HM13: variants seen among roughly 807,000 people sequenced by gnomAD.
HM13 encodes signal peptide peptidase.
Under a neutral mutation model 50.0 loss-of-function variants are expected in HM13, and 18 were observed. The observed-to-expected ratio is 0.36, with a 90% CI of 0.25 to 0.53. The LOEUF is 0.53. HM13 is among the 20% of genes least tolerant of loss of function. HM13 has a pLI of 0.90. For missense variants in HM13, 393 were observed against 552.4 expected (o/e 0.71, Z 2.89); for synonymous variants, 197 against 232.6 (o/e 0.85, Z 1.39).
chr20:31,549,073 G>A lies in HM13; in HGVS notation c.499G>A (p.Gly167Ser), dbSNP rs1459182726. The A allele has an allele frequency of 6.2e-7, 1 of 1,614,084 alleles. No individual in the cohort carries two copies. Among genetic ancestry groups the A allele is most frequent in the Non-Finnish European group, 8.5e-7 (1 of 1,180,010 alleles). ...EFDTKDLVCLGLSSIVGVWYL... is the reference protein window; with the variant it reads ...EFDTKDLVCLSLSSIVGVWYL... ...TGACACCAAGGACCTGGTGTGCCTG[G>A]GCCTGAGCAGCATCGTTGGCGTCTG... The change falls in exon 5 of 13, where the codon GGC becomes AGC. Residue 167 changes from glycine (G) to serine (S), a missense_variant. Gly to Ser is a moderately conservative substitution (Grantham distance 56, BLOSUM62 0). This residue lies in a region of HM13 where 214 missense variants were observed against 276.1 expected (regional missense o/e 0.77). Coordinates refer to ENST00000398174, the MANE Select transcript of HM13 (RefSeq NM_178581.3).
intron 3 of HM13, among the ~76,000 whole-genome samples, chr20:31,543,568 TGA>T: frequency 6.6e-6 from 1 of 151,966 alleles, no homozygotes; most frequent in South Asian, 2.1e-4. Flanking sequence ...ATTACAGGCG[TGA>T]GCCACTGCAC....
At position 31,550,133 on chromosome 20, in the gene HM13, C is replaced by A; in HGVS notation, c.724+12C>A. The A allele has an allele frequency of 1.2e-6, 2 of 1,611,806 alleles. No homozygotes were observed. The highest frequency in any genetic ancestry group is 1.7e-6 in the Non-Finnish European group (2 of 1,177,920). On this transcript the variant is annotated intron_variant, in intron 7 of 12. Coordinates refer to ENST00000398174, the MANE Select transcript of HM13 (RefSeq NM_178581.3). The stretch of plus-strand genomic sequence containing the variant: ...GGCACCAATAAAATGTAAGTGACCA[C>A]CCTGCCACAGGGAACCCCTTCCCCC...
intron 10 of HM13, among the ~76,000 whole-genome samples, chr20:31,561,992 C>G (rs1251312385): frequency 2.6e-5 from 4 of 152,210 alleles, no homozygotes; most frequent in Non-Finnish European, 2.9e-5. Context: ...ATCAGGAAGG[C>G]AGGAACTTTC....
At chr20:31,523,706 G>T (rs1982317989) in intron 1 of HM13, among the ~76,000 whole-genome samples, 1 of 152,218 alleles carries the variant, frequency 6.6e-6, no homozygotes. Context: ...GAAATGTATT[G>T]AATGTGTGGA....
At chr20:31,565,467 C>A in intron 10 of HM13, among the ~76,000 whole-genome samples, 1 of 137,156 alleles carries the variant, frequency 7.3e-6, no homozygotes, top group Non-Finnish European at 1.5e-5. Context: ...CAACAAGAGT[C>A]AGAGACTCTG....
At chr20:31,531,547 T>TCC (rs1982819459) in intron 2 of HM13, among the ~76,000 whole-genome samples, 2 of 152,094 alleles carry the variant, frequency 1.3e-5, no homozygotes, top group African/African-American at 4.8e-5. Context: ...TAGACGTATG[T>TCC]CATTACATCC....
chr20:31,553,190 G>A lies in HM13; in HGVS notation c.725-1556G>A, dbSNP rs1207205937. 3.5e-5 allele frequency among the ~76,000 whole-genome samples: 3 copies of A among 85,650 alleles called. No individual in the cohort carries two copies. In the East Asian group the frequency reaches 5.8e-4, roughly 17 times the overall value. 56.2% of individuals were successfully genotyped at this position (85,650 alleles called of 152,430 possible). ...GCATGCCTGTAATTTCAGCTACTCA[G>A]GGGGCTGAGGCAGGAGAATCACTTG... On this transcript the variant is annotated intron_variant, in intron 7 of 12. Coordinates refer to ENST00000398174, the MANE Select transcript of HM13 (RefSeq NM_178581.3).
intron 1 of HM13, 126 bp from the exon 2 acceptor site, chr20:31,527,358 A>G (rs1982552785): frequency 3.1e-6 from 2 of 651,628 alleles, no homozygotes; most frequent in Admixed American, 2.8e-5. Context: ...AAATGGCAAG[A>G]TCAGAGCATC....
Position 31,569,392 on chromosome 20 carries a change from T to G in HM13, c.*173T>G. 1 of 508,136 alleles carries G rather than the reference T, an allele frequency of 2.0e-6. No individual in the cohort carries two copies. Among genetic ancestry groups the G allele is most frequent in the East Asian group, 3.0e-5 (1 of 33,092 alleles). The allele number at this position is 508,136 out of a possible 1,614,324, so 31.5% of individuals were successfully genotyped here. On this transcript the variant is annotated 3_prime_UTR_variant, in exon 13 of 13. Coordinates refer to ENST00000398174, the MANE Select transcript of HM13 (RefSeq NM_178581.3). ...GGCCTCTGTTTCCTTCTCCCTTTCT[T>G]GGCCCTCCTCTGCTCCTCCCCACAC...
chr20:31,545,071 G>C (rs1430989374), intron 4 of HM13, 36 bp downstream of exon 4: 21 of 1,517,674 alleles, frequency 1.4e-5, no homozygotes, highest in Non-Finnish European at 1.9e-5. Flanking sequence ...AGTGTGCCTT[G>C]GGTGTCTTCC....
chr20:31,530,914 C>A (rs1172719821), intron 2 of HM13, among the ~76,000 whole-genome samples: 1 of 152,218 alleles, frequency 6.6e-6, no homozygotes, highest in East Asian at 1.9e-4. Flanking sequence ...AGTGCCAAAT[C>A]ACCCTCCAAA....
At chr20:31,560,282 A>T (rs1260184380) in intron 9 of HM13, among the ~76,000 whole-genome samples, 6 of 152,220 alleles carry the variant, frequency 3.9e-5, no homozygotes. Context: ...CAACAGCTCC[A>T]TCATTTTATG....
At position 31,554,729 on chromosome 20, in the gene HM13, C is replaced by A. The variant is rs34318308; in HGVS notation, c.725-17C>A. The A allele has an allele frequency of 0.048, 76,745 of 1,610,294 alleles. 2,179 individuals carry two copies. The highest frequency in any genetic ancestry group is 0.066 in the South Asian group (6,014 of 90,904). ...TGGGCTCCAGCTGACTCCTCACATT[C>A]CCGCCTCCCGCTTCAGTGGTGTTTC... is the stretch of plus-strand genomic sequence containing the variant. On this transcript the variant is annotated splice_polypyrimidine_tract_variant and intron_variant, in intron 7 of 12. Coordinates refer to ENST00000398174, the MANE Select transcript of HM13 (RefSeq NM_178581.3).
chr20:31,562,139 G>A (rs1984649449), intron 10 of HM13, among the ~76,000 whole-genome samples: 1 of 152,192 alleles, frequency 6.6e-6, no homozygotes, highest in African/African-American at 2.4e-5. Flanking sequence ...ATTGGAGTGG[G>A]TGTTGGGTAT....
At chr20:31,533,348 C>T (rs1184520805) in intron 2 of HM13, among the ~76,000 whole-genome samples, 1 of 152,180 alleles carries the variant, frequency 6.6e-6, no homozygotes, top group African/African-American at 2.4e-5. Context: ...ACTAAAAATA[C>T]AAAAAAGTTA....
chr20:31,531,312 T>A (rs1982800754), intron 2 of HM13, among the ~76,000 whole-genome samples: 1 of 152,184 alleles, frequency 6.6e-6, no homozygotes, highest in East Asian at 1.9e-4. Context: ...GTGCTGGGAT[T>A]ACAGGTGTGA....
rs1482061318 is a variant in HM13, at chr20:31,534,038, C to G, written c.283-4141C>G. On this transcript the variant is annotated intron_variant, in intron 2 of 12. Coordinates refer to ENST00000398174, the MANE Select transcript of HM13 (RefSeq NM_178581.3). ...GGGACTACAGGCATGCACCACCACGCCCGCCTAATTTTTTTTTATTTTGTA... is the reference window on the plus strand; with the variant it reads ...GGGACTACAGGCATGCACCACCACGGCCGCCTAATTTTTTTTTATTTTGTA... 2.6e-5 allele frequency among the ~76,000 whole-genome samples: 4 copies of G among 151,988 alleles called. No individual in the cohort carries two copies. In the East Asian group the frequency reaches 7.7e-4, roughly 29 times the overall value.
rs1230329741 is a variant in HM13, at chr20:31,514,582, G to T, written c.31G>T (p.Gly11Cys). 1.2e-6 allele frequency: 2 copies of T among 1,605,866 alleles called. No homozygotes were observed. The highest frequency in any genetic ancestry group is 1.1e-5 in the South Asian group (1 of 89,524). MDSALSDPHN[G>C]SAEAGGPTNS... Reference sequence around the variant, plus strand: ...CTCGGCCCTCAGCGATCCGCATAACGGCAGTGCCGAGGCAGGCGGCCCCAC... The same window carrying T: ...CTCGGCCCTCAGCGATCCGCATAACTGCAGTGCCGAGGCAGGCGGCCCCAC... Residue 11 changes from glycine to cysteine, a missense_variant, in exon 1 of 13, where the codon GGC (glycine) becomes TGC (cysteine). Coordinates refer to ENST00000398174, the MANE Select transcript of HM13 (RefSeq NM_178581.3). The surrounding 1 kb of genome is among the most constrained non-coding windows in gnomAD (Gnocchi z 4.3).
chr20:31,515,043 A>C (rs974446961), intron 1 of HM13, among the ~76,000 whole-genome samples: 2 of 152,040 alleles, frequency 1.3e-5, no homozygotes, highest in African/African-American at 2.4e-5. Context: ...CCCGTCCCCC[A>C]CTGCGACTCG....
Sources: allele counts gnomAD v4.1 joint callset (sites outside exome capture counted in the v4.1 genomes callset), GRCh38; gene constraint gnomAD v4.1.1; regional missense constraint gnomAD v4.1.1; non-coding constraint Gnocchi (gnomAD v3.1); transcripts MANE v1.5; gene names NCBI Gene and HGNC (gene_info 2026-07-23, HGNC 2026-07-21).